Variants in GOLGA8Q observed in about 807,000 individuals in gnomAD.
GOLGA8Q encodes the protein golgin subfamily A member 8Q.
In GOLGA8Q, 3 loss-of-function variants were observed where a neutral mutation model predicts 48.7. The observed-to-expected ratio is 0.06, with a 90% confidence interval of 0.03 to 0.16. The LOEUF (loss-of-function observed/expected upper bound fraction) is 0.16, where lower values mean the gene tolerates loss of function less well. GOLGA8Q is among the 10% of genes least tolerant of loss of function. The pLI, the probability that GOLGA8Q is intolerant of heterozygous loss-of-function variation, is 1.00. For synonymous variants in GOLGA8Q, 22 were observed against 138.2 expected, an observed-to-expected ratio of 0.16 and a Z score of 5.90; for missense variants, 49 against 364.3, an observed-to-expected ratio of 0.13 and a Z score of 7.05.
In GOLGA8Q at chr15:30,563,891, AT is replaced by A. The variant is rs1196170707; in HGVS notation, c.*1391del. Reference sequence around the variant, plus strand: ...TAAAATGTGTACAAACTGCAGTGCAATCTACTGTTGTTCGTGAATGTCAATG... The same window carrying A: ...TAAAATGTGTACAAACTGCAGTGCAACTACTGTTGTTCGTGAATGTCAATG... On this transcript the variant is annotated 3_prime_UTR_variant, in exon 19 of 19. Transcript: ENST00000562783. Among the ~76,000 whole-genome samples the A allele has an allele frequency of 1.4e-5, 1 of 71,950 alleles. No individual in the cohort carries two copies. The highest frequency in any genetic ancestry group is 2.6e-5 in the Non-Finnish European group (1 of 37,938). 47.2% of individuals were successfully genotyped at this position (71,950 alleles called of 152,430 possible).
chr15:30,563,109 C>CT lies in GOLGA8Q; in HGVS notation c.*612dup, dbSNP rs2059690344. Among the ~76,000 whole-genome samples, 1 of 14,442 alleles carries CT rather than the reference C, an allele frequency of 6.9e-5. No individual in the cohort carries two copies. Among genetic ancestry groups the CT allele is most frequent in the Non-Finnish European group, 1.3e-4 (1 of 7,776 alleles). 9.5% of individuals were successfully genotyped at this position (14,442 alleles called of 152,430 possible). ...GTGTATTGGTGATGGGAGTGATAAC[C>CT]TTTTGGGGGAGCTTTTTAAATCTCA... is the stretch of plus-strand genomic sequence containing the variant. On this transcript the variant is annotated 3_prime_UTR_variant, in exon 19 of 19. Coordinates refer to ENST00000562783, the MANE Select transcript of GOLGA8Q (RefSeq NM_001355476.2).
chr15:30,560,491 G>A lies in GOLGA8Q; in HGVS notation c.1201-45G>A. The A allele has an allele frequency of 8.6e-6, 9 of 1,051,884 alleles. 3 individuals carry two copies. The highest frequency in any genetic ancestry group is 6.8e-4 in the Middle Eastern group (2 of 2,958). 65.2% of individuals were successfully genotyped at this position (1,051,884 alleles called of 1,614,324 possible). On this transcript the variant is annotated intron_variant, in intron 13 of 18. Transcript: ENST00000562783. ...CCGAGGATGGGGCTGTGAGGGGGAC[G>A]ACCTGGCAAACTCCATCCCTTCTCA...
In GOLGA8Q at chr15:30,564,065, TG is replaced by T. The variant is rs1197517658; in HGVS notation, c.*1565del. Among the ~76,000 whole-genome samples, 1 of 119,186 alleles carries T rather than the reference TG, an allele frequency of 8.4e-6. No homozygotes were observed. The highest frequency in any genetic ancestry group is 1.7e-5 in the Non-Finnish European group (1 of 58,582). The allele number at this position is 119,186 out of a possible 152,430, so 78.2% of individuals were successfully genotyped here. On this transcript the variant is annotated 3_prime_UTR_variant, in exon 19 of 19. Transcript: ENST00000562783. ...TGTGATTGTGCCTATGCATGATGAA[TG>T]AATGCATTTCAGTTATGTATTGCCT...
At chr15:30,555,550 C>T (rs1430079192) in intron 4 of GOLGA8Q, among the ~76,000 whole-genome samples, 1 of 110,338 alleles carries the variant, frequency 9.1e-6, no homozygotes, top group East Asian at 2.0e-4. Context: ...GATTTAAAGG[C>T]CCCCTAGAAC....
At chr15:30,560,109 T>C (rs1199944535) in intron 13 of GOLGA8Q, among the ~76,000 whole-genome samples, 110 of 79,556 alleles carry the variant, frequency 1.4e-3, no homozygotes, top group South Asian at 5.2e-3. Context: ...GGGGCCTGGG[T>C]AGCTGACAGA....
chr15:30,554,264 C>T (rs1367521628), intron 2 of GOLGA8Q, among the ~76,000 whole-genome samples: 1 of 123,184 alleles, frequency 8.1e-6, no homozygotes, highest in Admixed American at 7.9e-5. Context: ...GATTATGCCA[C>T]CGCACTCCAG....
At chr15:30,559,537 AG>A (rs2059665523) in intron 13 of GOLGA8Q, 1 of 335,296 alleles carries the variant, frequency 3.0e-6, no homozygotes, top group Non-Finnish European at 5.7e-6. Context: ...CCCCAATCAC[AG>A]GGGAAGAGAC....
Position 30,560,533 on chromosome 15 carries a change from T to G in GOLGA8Q, c.1201-3T>G. Reference sequence around the variant, plus strand: ...CCCTTCTCACTCTTTCCTGGCCCCTTAGGAGCACCTGGAAGCGGCCAGCCA... The same window carrying G: ...CCCTTCTCACTCTTTCCTGGCCCCTGAGGAGCACCTGGAAGCGGCCAGCCA... On this transcript the variant is annotated splice_polypyrimidine_tract_variant and splice_region_variant and intron_variant, in intron 13 of 18. Coordinates refer to ENST00000562783, the MANE Select transcript of GOLGA8Q (RefSeq NM_001355476.2). 9.0e-7 allele frequency: 1 copy of G among 1,111,750 alleles called. No individual in the cohort carries two copies. The highest frequency in any genetic ancestry group is 1.2e-6 in the Non-Finnish European group (1 of 825,014). 68.9% of individuals were successfully genotyped at this position (1,111,750 alleles called of 1,614,324 possible). A position where few individuals can be genotyped will look rare whatever the true frequency, so the allele number is the denominator to read the frequency against.
At chr15:30,552,376 TG>T (rs2059623084) in intron 1 of GOLGA8Q, among the ~76,000 whole-genome samples, 1 of 13,934 alleles carries the variant, frequency 7.2e-5, no homozygotes, top group South Asian at 1.3e-3. Flanking sequence ...GCTCCATTAC[TG>T]GGCCCTCATC....
intron 13 of GOLGA8Q, among the ~76,000 whole-genome samples, chr15:30,559,911 C>T (rs1247887926): frequency 7.4e-6 from 1 of 134,322 alleles, no homozygotes; most frequent in Admixed American, 7.3e-5. Flanking sequence ...GCCTCGGTTC[C>T]ACTGGTCACC....
At chr15:30,558,127 G>A in intron 10 of GOLGA8Q, 76 bp downstream of exon 10, 1 of 780,092 alleles carries the variant, frequency 1.3e-6, no homozygotes, top group South Asian at 1.6e-5. Context: ...AATGGGAATA[G>A]TAGAGCCAGA....
At position 30,560,623 on chromosome 15, in the gene GOLGA8Q, C is replaced by T. The variant is rs374077068; in HGVS notation, c.1276+12C>T. 9.1e-3 allele frequency: 10,228 copies of T among 1,118,230 alleles called. 3,438 individuals carry two copies. The highest frequency in any genetic ancestry group is 0.011 in the Non-Finnish European group (9,181 of 827,604). 69.3% of individuals were successfully genotyped at this position (1,118,230 alleles called of 1,614,324 possible). A position where few individuals can be genotyped will look rare whatever the true frequency, so the allele number is the denominator to read the frequency against. On this transcript the variant is annotated intron_variant, in intron 14 of 18. Transcript: ENST00000562783. ...TCTCCCTGGGGAAGGTACGGGAGAC[C>T]GCTCAGAGGAAGAGGAGAGAGCCCC...
At position 30,558,107 on chromosome 15, in the gene GOLGA8Q, G is replaced by T. The variant is rs2059656077; in HGVS notation, c.786+56G>T. ...TAGATAGGGCACTGGATCTTTCTGG[G>T]CATCTGTAAAATGGGAATAGTAGAG... On this transcript the variant is annotated intron_variant, in intron 10 of 18. Transcript: ENST00000562783. The T allele has an allele frequency of 4.2e-6, 4 of 944,624 alleles. 1 individual carries two copies. The highest frequency in any genetic ancestry group is 2.9e-5 in the South Asian group (2 of 68,690). 58.5% of individuals were successfully genotyped at this position (944,624 alleles called of 1,614,324 possible).
Position 30,560,493 on chromosome 15 carries a change from C to T in GOLGA8Q, c.1201-43C>T, listed in dbSNP as rs879557983. 928 of 1,056,440 alleles carry T rather than the reference C, an allele frequency of 8.8e-4. 317 individuals are homozygous for T. Among genetic ancestry groups the T allele is most frequent in the Non-Finnish European group, 8.0e-4 (629 of 782,422 alleles). The allele number at this position is 1,056,440 out of a possible 1,614,324, so 65.4% of individuals were successfully genotyped here. On this transcript the variant is annotated intron_variant, in intron 13 of 18. Coordinates refer to ENST00000562783, the MANE Select transcript of GOLGA8Q (RefSeq NM_001355476.2). ...GAGGATGGGGCTGTGAGGGGGACGA[C>T]CTGGCAAACTCCATCCCTTCTCACT...
At position 30,560,420 on chromosome 15, in the gene GOLGA8Q, C is replaced by G. The variant is rs1481391120; in HGVS notation, c.1201-116C>G. ...AGAAAGCTTGGGGCAAAGCAGTGGC[C>G]GAGATGGCCTGCCAAAAGTTGCAGG... is the stretch of plus-strand genomic sequence containing the variant. On this transcript the variant is annotated intron_variant, in intron 13 of 18. Coordinates refer to ENST00000562783, the MANE Select transcript of GOLGA8Q (RefSeq NM_001355476.2). The G allele has an allele frequency of 2.2e-4, 229 of 1,039,322 alleles. 70 individuals carry two copies. Among genetic ancestry groups the G allele is most frequent in the South Asian group, 7.3e-4 (47 of 64,030 alleles). The allele number at this position is 1,039,322 out of a possible 1,614,324, so 64.4% of individuals were successfully genotyped here.
chr15:30,554,275 C>T (rs1176903700), intron 2 of GOLGA8Q, among the ~76,000 whole-genome samples: 1 of 126,146 alleles, frequency 7.9e-6, no homozygotes, highest in Admixed American at 7.7e-5. Flanking sequence ...CGCACTCCAG[C>T]CTGGTGAAAG....
chr15:30,556,117 C>T, intron 5 of GOLGA8Q, 105 bp downstream of exon 5: 2 of 1,245,406 alleles, frequency 1.6e-6, no homozygotes, highest in South Asian at 1.3e-5. Flanking sequence ...GGGAAGAAGG[C>T]TCACCCCTCA....
In GOLGA8Q at chr15:30,560,414, A is replaced by G. The variant is rs1233146053; in HGVS notation, c.1201-122A>G. On this transcript the variant is annotated intron_variant, in intron 13 of 18. Coordinates refer to ENST00000562783, the MANE Select transcript of GOLGA8Q (RefSeq NM_001355476.2). ...AGCAGTAGAAAGCTTGGGGCAAAGC[A>G]GTGGCCGAGATGGCCTGCCAAAAGT... 97 of 1,045,986 alleles carry G rather than the reference A, an allele frequency of 9.3e-5. 30 individuals are homozygous for G. The highest frequency in any genetic ancestry group is 5.3e-4 in the African/African-American group (16 of 30,140). The allele number at this position is 1,045,986 out of a possible 1,614,324, so 64.8% of individuals were successfully genotyped here.
rs369822259 is a variant in GOLGA8Q at position 30,560,550 on chromosome 15, G to T, written c.1215G>T (p.Ala405=). 4.6e-4 allele frequency: 514 copies of T among 1,123,092 alleles called. 148 individuals carry two copies. Among genetic ancestry groups the T allele is most frequent in the East Asian group, 3.6e-3 (154 of 42,592 alleles). 69.6% of individuals were successfully genotyped at this position (1,123,092 alleles called of 1,614,324 possible). A position where few individuals can be genotyped will look rare whatever the true frequency, so the allele number is the denominator to read the frequency against. Residue 405 remains alanine (A), a synonymous_variant, in exon 14 of 19, where the codon GCG becomes GCT. Transcript: ENST00000562783. ...TGGCCCCTTAGGAGCACCTGGAAGC[G>T]GCCAGCCAGCAGAACCAGCAGCTAA... is the stretch of plus-strand genomic sequence containing the variant. The part of the protein sequence containing the change: ...QEKLGEEHLE[A]ASQQNQQLTA...
Sources: allele counts gnomAD v4.1 joint callset (sites outside exome capture counted in the v4.1 genomes callset), GRCh38; gene constraint gnomAD v4.1.1; transcripts MANE v1.5; gene names NCBI Gene and HGNC (gene_info 2026-07-23, HGNC 2026-07-21).